ATR: variants seen among roughly 807,000 people sequenced by gnomAD.
The protein encoded by ATR is ATR checkpoint kinase.
In ATR, 142 loss-of-function variants were observed where a neutral mutation model predicts 305.3. That is an observed-to-expected ratio of 0.47 (90% CI 0.41 to 0.53). The LOEUF (loss-of-function observed/expected upper bound fraction) is 0.53. Among genes scored for constraint, ATR ranks in the 20% least tolerant of loss-of-function variants. The pLI is 0.00. For synonymous variants in ATR, 1,050 were observed against 1,068.1 expected, an observed-to-expected ratio of 0.98 and a Z score of 0.33; for missense variants, 2,135 against 3,133.1, an observed-to-expected ratio of 0.68 and a Z score of 7.60.
At chr3:142,535,327 G>A in intron 20 of ATR, 122 bp from the exon 21 acceptor site, 2 of 1,098,740 alleles carry the variant, frequency 1.8e-6, no homozygotes, top group East Asian at 2.6e-5. Context: ...TTAAAGTAAT[G>A]AAATTTCCAT....
rs2108488363 is a variant in ATR, at chr3:142,562,883, C to T, written c.519G>A (p.Val173=). The change falls in exon 4 of 47, where the codon GTG becomes GTA. Residue 173 remains valine (V), a synonymous_variant. Coordinates refer to ENST00000350721, the MANE Select transcript of ATR (RefSeq NM_001184.4). ...NVMGHAVEWP[V]VMSRFLSQLD... Reference sequence around the variant, plus strand: ...ATTGACTTAAAAATCGGCTCATGACCACTGGCCATTCCACAGCATGACCCA... The same window carrying T: ...ATTGACTTAAAAATCGGCTCATGACTACTGGCCATTCCACAGCATGACCCA... The T allele has an allele frequency of 6.2e-7, 1 of 1,612,886 alleles. No homozygotes were observed. The highest frequency in any genetic ancestry group is 8.5e-7 in the Non-Finnish European group (1 of 1,179,674).
At chr3:142,456,454 C>T (rs982072854) in intron 45 of ATR, among the ~76,000 whole-genome samples, 2 of 152,056 alleles carry the variant, frequency 1.3e-5, no homozygotes, top group African/African-American at 4.8e-5. Context: ...CACATGCTGT[C>T]CCAGCTACTT....
At chr3:142,450,268 C>A in intron 46 of ATR, 2 of 735,776 alleles carry the variant, frequency 2.7e-6, no homozygotes, top group Non-Finnish European at 4.8e-6. Flanking sequence ...AGCCAACTTT[C>A]CCTTTTGCAG....
intron 32 of ATR, 55 bp downstream of exon 32, chr3:142,498,542 T>A (rs1428138403): frequency 3.8e-6 from 6 of 1,574,696 alleles, no homozygotes; most frequent in Non-Finnish European, 8.7e-7. Context: ...AATTTTCCAA[T>A]CCTGTCAGGT....
intron 15 of ATR, among the ~76,000 whole-genome samples, chr3:142,548,797 T>C (rs1248919059): frequency 6.6e-6 from 1 of 152,188 alleles, no homozygotes; most frequent in Non-Finnish European, 1.5e-5. Flanking sequence ...AAATACTTAT[T>C]ACTATCATTC....
chr3:142,556,581 A>G lies in ATR; in HGVS notation c.1886-6T>C. The G allele has an allele frequency of 6.2e-7, 1 of 1,613,788 alleles. No individual in the cohort carries two copies. Among genetic ancestry groups the G allele is most frequent in the Non-Finnish European group, 8.5e-7 (1 of 1,179,834 alleles). The stretch of plus-strand genomic sequence containing the variant: ...TCGTGATTGTGCCTGTGGTGCTGAA[A>G]AAATTAAGTCTATTAAACAAGATTT... On this transcript the variant is annotated splice_polypyrimidine_tract_variant and splice_region_variant and intron_variant, in intron 8 of 46. Transcript: ENST00000350721.
chr3:142,578,428 G>A (rs1019863013), intron 1 of ATR, among the ~76,000 whole-genome samples: 1 of 152,206 alleles, frequency 6.6e-6, no homozygotes. Context: ...TCTCCCCCAC[G>A]GACCGGCTTC....
intron 2 of ATR, 122 bp from the exon 3 acceptor site, chr3:142,566,383 C>T: frequency 1.9e-6 from 2 of 1,080,664 alleles, no homozygotes; most frequent in South Asian, 1.3e-5. Context: ...CTTTGGGAGG[C>T]TGAAGTGGGC....
intron 16 of ATR, among the ~76,000 whole-genome samples, chr3:142,547,243 C>T (rs939290023): frequency 3.4e-4 from 51 of 151,566 alleles, no homozygotes; most frequent in Non-Finnish European, 5.9e-5. Context: ...CCCTTCTATC[C>T]AATAATGGAT....
chr3:142,463,726 T>C (rs995628376), intron 41 of ATR, among the ~76,000 whole-genome samples: 5 of 152,214 alleles, frequency 3.3e-5, no homozygotes, highest in African/African-American at 1.2e-4. Flanking sequence ...CCTTTTCATA[T>C]TGCTTTTGAA....
intron 34 of ATR, 38 bp downstream of exon 34, chr3:142,496,323 T>TACACATAC (rs1553758697): frequency 3.2e-6 from 1 of 308,966 alleles, no homozygotes; most frequent in African/African-American, 3.4e-5. Flanking sequence ...TATATATATA[T>TACACATAC]ATATATATAT....
At chr3:142,513,267 A>G (rs2032668997) in intron 26 of ATR, among the ~76,000 whole-genome samples, 1 of 152,224 alleles carries the variant, frequency 6.6e-6, no homozygotes, top group Non-Finnish European at 1.5e-5. Context: ...GAAAATGACT[A>G]AGTTGGAATA....
intron 8 of ATR, among the ~76,000 whole-genome samples, chr3:142,557,455 G>A (rs1267525247): frequency 6.6e-6 from 1 of 152,058 alleles, no homozygotes; most frequent in South Asian, 2.1e-4. Context: ...TATCACCATG[G>A]ATAAGTCTCA....
At chr3:142,522,960 G>A (rs992197870) in intron 22 of ATR, 119 bp from the exon 23 acceptor site, 2 of 797,672 alleles carry the variant, frequency 2.5e-6, no homozygotes, top group African/African-American at 1.7e-5. Context: ...CTTAGACAAA[G>A]GAAAAGACAG....
rs900473062 is a variant in ATR, at chr3:142,484,206, C to T, written c.6221+934G>A. Among the ~76,000 whole-genome samples, 7 of 152,268 alleles carry T rather than the reference C, an allele frequency of 4.6e-5. 1 individual carries two copies. In the Middle Eastern group the frequency reaches 0.02, roughly 444 times the overall value. On this transcript the variant is annotated intron_variant, in intron 36 of 46. Transcript: ENST00000350721. Reference sequence around the variant, plus strand: ...GATCCTCATCCCAGAGAGGATCCTGCCCCATATCCTAGAGGAAGGAATGCT... The same window carrying T: ...GATCCTCATCCCAGAGAGGATCCTGTCCCATATCCTAGAGGAAGGAATGCT...
rs1403844102 is a variant in ATR at position 142,457,675 on chromosome 3, T to C, written c.7584A>G (p.Thr2528=). The change falls in exon 45 of 47, where the codon ACA becomes ACG. Residue 2528 remains threonine (T), a synonymous_variant. Transcript: ENST00000350721. ...CACATGCTCTTCGAAAAAGACCCTC[T>C]GTTCCCATAGGACCCATTCCATTAA... is the stretch of plus-strand genomic sequence containing the variant. ...NMVNGMGPMG[T]EGLFRRACEV... The C allele has an allele frequency of 1.9e-6, 3 of 1,613,972 alleles. No homozygotes were observed. Among genetic ancestry groups the C allele is most frequent in the Admixed American group, 1.7e-5 (1 of 59,982 alleles).
intron 28 of ATR, among the ~76,000 whole-genome samples, chr3:142,506,742 G>A (rs2032259881): frequency 6.6e-6 from 1 of 152,134 alleles, no homozygotes. Flanking sequence ...TGGTGCAGAT[G>A]CTGTTTCATT....
At chr3:142,465,758 C>T (rs938602404) in intron 40 of ATR, 3 of 162,010 alleles carry the variant, frequency 1.9e-5, no homozygotes, top group African/African-American at 7.2e-5. Flanking sequence ...GTTACACTAA[C>T]ACTTGGGAAG....
rs533268318 is a variant in ATR at position 142,481,298 on chromosome 3, A to T, written c.6221+3842T>A. Among the ~76,000 whole-genome samples the T allele has an allele frequency of 2.6e-5, 4 of 152,320 alleles. No homozygotes were observed. In the South Asian group the frequency reaches 8.3e-4, roughly 32 times the overall value. On this transcript the variant is annotated intron_variant, in intron 36 of 46. Transcript: ENST00000350721. ...TCAAGTGCTTTCTCTGCATCTATTG[A>T]GATGAGATGATCATATGGTTTTTGT...
Sources: allele counts gnomAD v4.1 joint callset (sites outside exome capture counted in the v4.1 genomes callset), GRCh38; gene constraint gnomAD v4.1.1; transcripts MANE v1.5; gene names NCBI Gene and HGNC (gene_info 2026-07-23, HGNC 2026-07-21).